Variants in BLTP3A observed in about 807,000 individuals in gnomAD.
BLTP3A encodes the protein ICBP90 binding protein 1.
At chr6:34,812,906 A>G in the BLTP3A span, among the ~76,000 whole-genome samples, 1 of 152,258 alleles carries the variant, frequency 6.6e-6, no homozygotes, top group Admixed American at 6.5e-5. Context: ...TATCTAAACC[A>G]ACTGCTTCAG....
chr6:34,847,921 C>CT, the BLTP3A span, among the ~76,000 whole-genome samples: 454 of 91,138 alleles, frequency 5.0e-3, 12 homozygotes, highest in East Asian at 0.016. Context: ...TCTTTTTTTC[C>CT]TTTTTTTTTT....
the BLTP3A span, among the ~76,000 whole-genome samples, chr6:34,831,035 C>A: frequency 6.6e-6 from 1 of 151,504 alleles, no homozygotes; most frequent in Non-Finnish European, 1.5e-5. Context: ...TGTAGAAGTT[C>A]TTTATATATT....
At chr6:34,855,192 G>A in the BLTP3A span, among the ~76,000 whole-genome samples, 2 of 152,188 alleles carry the variant, frequency 1.3e-5, no homozygotes, top group East Asian at 3.8e-4. Flanking sequence ...GGATATGAAA[G>A]GAAATAATAT....
the BLTP3A span, among the ~76,000 whole-genome samples, chr6:34,846,476 A>T: frequency 1.3e-5 from 2 of 151,998 alleles, no homozygotes; most frequent in Non-Finnish European, 2.9e-5. Flanking sequence ...AGTTTTTGTT[A>T]TAGAGATCTT....
the BLTP3A span, among the ~76,000 whole-genome samples, chr6:34,820,582 C>T: frequency 6.6e-6 from 1 of 151,386 alleles, no homozygotes. Context: ...TTTTCCCCAC[C>T]CACTTGTCTA....
chr6:34,856,456 A>G, the BLTP3A span: 3 of 1,583,494 alleles, frequency 1.9e-6, no homozygotes, highest in Non-Finnish European at 2.6e-6. Context: ...GCCTCTTGCC[A>G]TTTATCTTTG....
chr6:34,853,990 G>A, the BLTP3A span, among the ~76,000 whole-genome samples: 3 of 152,172 alleles, frequency 2.0e-5, no homozygotes, highest in African/African-American at 4.8e-5. Flanking sequence ...TTGGGGGGCC[G>A]AGGTGGGTGG....
the BLTP3A span, chr6:34,834,253 G>A: frequency 6.2e-7 from 1 of 1,614,036 alleles, no homozygotes; most frequent in Non-Finnish European, 8.5e-7. Context: ...TGGAAGGGAT[G>A]TTCATCATTG....
the BLTP3A span, among the ~76,000 whole-genome samples, chr6:34,842,410 T>C: frequency 2.0e-5 from 3 of 152,340 alleles, no homozygotes; most frequent in East Asian, 5.8e-4. Flanking sequence ...AGAAACCCTG[T>C]ATCCATTTGC....
At chr6:34,836,207 G>A in the BLTP3A span, 1 of 1,614,196 alleles carries the variant, frequency 6.2e-7, no homozygotes, top group South Asian at 1.1e-5. Flanking sequence ...GGCATTTGGT[G>A]GCAGCCAGGG....
the BLTP3A span, among the ~76,000 whole-genome samples, chr6:34,803,674 A>T: frequency 2.9e-4 from 44 of 152,294 alleles, no homozygotes; most frequent in East Asian, 7.7e-3. Flanking sequence ...AGATACTCCA[A>T]AAGTTCCCAG....
chr6:34,812,474 G>A, the BLTP3A span, among the ~76,000 whole-genome samples: 3 of 152,076 alleles, frequency 2.0e-5, no homozygotes, highest in Non-Finnish European at 4.4e-5. Context: ...ATATTGTCAT[G>A]CAGTTTTCTT....
At chr6:34,809,051 C>G in the BLTP3A span, among the ~76,000 whole-genome samples, 1 of 152,082 alleles carries the variant, frequency 6.6e-6, no homozygotes, top group South Asian at 2.1e-4. Context: ...TTAATAAATT[C>G]AGTATGACCT....
the BLTP3A span, chr6:34,834,803 C>G: frequency 4.2e-5 from 67 of 1,614,066 alleles, no homozygotes; most frequent in Non-Finnish European, 5.3e-5. Flanking sequence ...GACCCAGTCA[C>G]CACTCCATTG....
chr6:34,794,933 C>T, the BLTP3A span, among the ~76,000 whole-genome samples: 5 of 151,662 alleles, frequency 3.3e-5, no homozygotes, highest in African/African-American at 9.7e-5. Flanking sequence ...TACAGGCATG[C>T]GCCACCACGC....
At chr6:34,833,180 G>A in the BLTP3A span, among the ~76,000 whole-genome samples, 47 of 152,096 alleles carry the variant, frequency 3.1e-4, no homozygotes, top group African/African-American at 1.0e-3. Flanking sequence ...ATTGCAGGGT[G>A]CCACCCACAT....
chr6:34,798,865 C>T, the BLTP3A span, among the ~76,000 whole-genome samples: 1 of 152,046 alleles, frequency 6.6e-6, no homozygotes, highest in Non-Finnish European at 1.5e-5. Context: ...CAATCATGTA[C>T]ATTAAGAGAA....
At chr6:34,833,876 C>A in the BLTP3A span, among the ~76,000 whole-genome samples, 2 of 144,098 alleles carry the variant, frequency 1.4e-5, no homozygotes, top group Non-Finnish European at 3.0e-5. Flanking sequence ...TGGCCGAGAT[C>A]GCGCCACTGC....
chr6:34,827,879 G>A, the BLTP3A span, among the ~76,000 whole-genome samples: 1 of 152,070 alleles, frequency 6.6e-6, no homozygotes. Context: ...TGATCCACCC[G>A]CCTTGGCCTC....
Sources: allele counts gnomAD v4.1 joint callset (sites outside exome capture counted in the v4.1 genomes callset), GRCh38; gene constraint gnomAD v4.1.1; transcripts MANE v1.5; gene names NCBI Gene and HGNC (gene_info 2026-07-23, HGNC 2026-07-21).